The following PCSK5 variants were observed in gnomAD, a reference collection of about 807,000 sequenced individuals.
PCSK5 encodes proprotein convertase subtilisin/kexin type 5.
A neutral mutation model predicts 233.2 loss-of-function variants in PCSK5; 129 were observed. That is an observed-to-expected ratio of 0.55 (90% CI 0.48 to 0.64). The LOEUF (loss-of-function observed/expected upper bound fraction) is 0.64. Among genes scored for constraint, PCSK5 ranks in the 30% least tolerant of loss-of-function variants. The pLI, the probability that PCSK5 is intolerant of heterozygous loss-of-function variation, is 0.00. For synonymous variants in PCSK5, 825 were observed against 879.2 expected (o/e 0.94, Z 1.09); for missense variants, 2,076 against 2,430.1 (o/e 0.85, Z 3.06).
intron 19 of PCSK5, 100 bp downstream of exon 19, chr9:76,189,323 C>CA: frequency 9.8e-7 from 1 of 1,022,926 alleles, no homozygotes; most frequent in Non-Finnish European, 1.5e-6. Flanking sequence ...GTAATGATAA[C>CA]ACTAGGTTTA....
chr9:76,155,682 A>T (rs551363908), intron 10 of PCSK5, among the ~76,000 whole-genome samples: 1 of 152,224 alleles, frequency 6.6e-6, no homozygotes, highest in African/African-American at 2.4e-5. Context: ...ATGGATTGAC[A>T]AATTAATTAG....
intron 2 of PCSK5, among the ~76,000 whole-genome samples, chr9:75,959,058 C>A (rs1934734): frequency 0.95 from 144,083 of 152,244 alleles, 68,269 homozygotes; most frequent in African/African-American, 0.97. Flanking sequence ...GGGAGAGGGG[C>A]AATTAATAGG....
intron 5 of PCSK5, among the ~76,000 whole-genome samples, chr9:76,045,669 C>G (rs1409048161): frequency 1.3e-5 from 2 of 152,336 alleles, no homozygotes; most frequent in Non-Finnish European, 2.9e-5. Context: ...ATTTAAATCT[C>G]TTTTCTACCC....
intron 12 of PCSK5, among the ~76,000 whole-genome samples, chr9:76,166,530 T>C (rs1287337154): frequency 2.0e-5 from 3 of 152,222 alleles, no homozygotes; most frequent in African/African-American, 7.2e-5. Flanking sequence ...CCATGAGTGA[T>C]TAAAAGTTGG....
intron 12 of PCSK5, among the ~76,000 whole-genome samples, chr9:76,165,297 A>G (rs1473687907): frequency 1.3e-5 from 2 of 152,216 alleles, no homozygotes; most frequent in Non-Finnish European, 2.9e-5. Context: ...ATAGTAGTGG[A>G]TGATTCTGAA....
intron 13 of PCSK5, among the ~76,000 whole-genome samples, chr9:76,170,149 C>G (rs1235492240): frequency 1.3e-5 from 2 of 152,202 alleles, no homozygotes; most frequent in East Asian, 3.9e-4. Flanking sequence ...AACAAGCCAG[C>G]CTGTCCACCG....
upstream of PCSK5, among the ~76,000 whole-genome samples, chr9:75,889,985 G>A (rs1825495654): frequency 1.3e-5 from 2 of 152,224 alleles, no homozygotes; most frequent in South Asian, 2.1e-4. Flanking sequence ...AATGAATGGA[G>A]TTATTTCCTT....
In PCSK5 at chr9:76,254,676, C is replaced by A. The variant is rs185530613; in HGVS notation, c.3142+13992C>A. 1.1e-4 allele frequency among the ~76,000 whole-genome samples: 17 copies of A among 152,234 alleles called. 1 individual carries two copies. The highest frequency in any genetic ancestry group is 4.6e-4 in the Admixed American group (7 of 15,282). ...CAATAGCAAGTGCTGCTGTCTCTTGCCTTTGTTTGCTGCCTAAAAAATGTA... is the reference window on the plus strand; with the variant it reads ...CAATAGCAAGTGCTGCTGTCTCTTGACTTTGTTTGCTGCCTAAAAAATGTA... On this transcript the variant is annotated intron_variant, in intron 24 of 37. Coordinates refer to ENST00000674117, the MANE Select transcript of PCSK5 (RefSeq NM_001372043.1).
chr9:76,323,191 G>A lies in PCSK5; in HGVS notation c.4242G>A (p.Glu1414=). ...ECSGPKADDC[E]LCLESSWVLY... is the part of the protein sequence containing the mutation. ...GTGGCCCCAAAGCCGACGACTGCGA[G>A]CTCTGTCTTGAGAGTTCCTGGGTCC... Residue 1414 remains glutamate, a synonymous_variant, in exon 32 of 38, where the codon GAG becomes GAA. Coordinates refer to ENST00000674117, the MANE Select transcript of PCSK5 (RefSeq NM_001372043.1). 1 of 1,612,734 alleles carries A rather than the reference G, an allele frequency of 6.2e-7. No homozygotes were observed. The highest frequency in any genetic ancestry group is 8.5e-7 in the Non-Finnish European group (1 of 1,179,824).
intron 20 of PCSK5, among the ~76,000 whole-genome samples, chr9:76,202,254 C>T (rs1035565945): frequency 6.6e-6 from 1 of 152,156 alleles, no homozygotes; most frequent in African/African-American, 2.4e-5. Flanking sequence ...CTCTTCTGCC[C>T]CTATCCTAGT....
In PCSK5 at chr9:76,267,990, T is replaced by C. The variant is rs1017712778; in HGVS notation, c.3143-24243T>C. On this transcript the variant is annotated intron_variant, in intron 24 of 37. Coordinates refer to ENST00000674117, the MANE Select transcript of PCSK5 (RefSeq NM_001372043.1). ...ACACACACACACACACACACATTTG[T>C]GGGTCTGCCTTCCTTCAAAATGTTC... Among the ~76,000 whole-genome samples the C allele has an allele frequency of 3.9e-5, 6 of 151,982 alleles. No individual in the cohort carries two copies. In the East Asian group the frequency reaches 7.8e-4, roughly 20 times the overall value.
rs76955082 is a variant in PCSK5, at chr9:75,928,492, C to T, written c.193-3887C>T. 3.2e-3 allele frequency among the ~76,000 whole-genome samples: 481 copies of T among 150,958 alleles called. 12 individuals carry two copies. In the East Asian group the frequency reaches 0.037, roughly 12 times the overall value. The stretch of plus-strand genomic sequence containing the variant: ...TTCTTAATATTTATTAAATGCCCAA[C>T]AGCATGTTGGTGCTTGTTGAAAGAA... On this transcript the variant is annotated intron_variant, in intron 1 of 37. Transcript: ENST00000674117.
chr9:76,006,877 T>C (rs1375057577), intron 3 of PCSK5, among the ~76,000 whole-genome samples: 1 of 152,196 alleles, frequency 6.6e-6, no homozygotes, highest in Non-Finnish European at 1.5e-5. Context: ...CCTTTATTTA[T>C]GTATTTTTTG....
chr9:76,238,547 G>A (rs1304699251), intron 22 of PCSK5, among the ~76,000 whole-genome samples: 2 of 152,166 alleles, frequency 1.3e-5, no homozygotes, highest in African/African-American at 4.8e-5. Flanking sequence ...AAAAAGTGTC[G>A]ATCATTATGC....
intron 27 of PCSK5, 37 bp downstream of exon 27, chr9:76,296,902 G>A (rs771246497): frequency 3.0e-6 from 4 of 1,352,434 alleles, no homozygotes; most frequent in African/African-American, 1.4e-5. Context: ...CAGGGGTCTA[G>A]CGACCTACTC....
intron 8 of PCSK5, among the ~76,000 whole-genome samples, chr9:76,105,218 T>C (rs1308987594): frequency 6.6e-6 from 1 of 152,234 alleles, no homozygotes. Context: ...AAAGAAATCC[T>C]GTCATATGGT....
chr9:75,928,584 T>C (rs62555882), intron 1 of PCSK5, among the ~76,000 whole-genome samples: 12,030 of 119,412 alleles, frequency 0.1, 781 homozygotes, highest in African/African-American at 0.16. Flanking sequence ...AACATGCTTT[T>C]ACATATAAAT....
intron 1 of PCSK5, among the ~76,000 whole-genome samples, chr9:75,897,484 C>CTTTT (rs1825858179): frequency 1.1e-5 from 1 of 93,322 alleles, no homozygotes; most frequent in African/African-American, 5.3e-5. Context: ...GATTTTCTTT[C>CTTTT]TTTTCTTTTT....
intron 14 of PCSK5, among the ~76,000 whole-genome samples, chr9:76,177,311 AG>A: frequency 6.6e-6 from 1 of 152,276 alleles, no homozygotes; most frequent in Middle Eastern, 3.4e-3. Flanking sequence ...AGAAAAGAAA[AG>A]AAAAAAAAGA....
Sources: gnomAD v4.1 joint callset for allele counts (sites outside exome capture counted in the v4.1 genomes callset) on GRCh38, gnomAD v4.1.1 for gene constraint, MANE v1.5 for transcripts, NCBI Gene and HGNC (gene_info 2026-07-23, HGNC 2026-07-21) for gene names.